Variants in PTPRG observed in about 807,000 individuals in gnomAD.
PTPRG encodes receptor-type tyrosine-protein phosphatase gamma.
PTPRG carries 102 observed loss-of-function variants against 165.3 expected under a neutral mutation model. That is an observed-to-expected ratio of 0.62 (90% CI 0.53 to 0.73). The LOEUF is 0.73. PTPRG is among the 30% of genes least tolerant of loss of function. The pLI, the probability that PTPRG is intolerant of heterozygous loss-of-function variation, is 0.00. For synonymous variants in PTPRG, 675 were observed against 669.5 expected, an observed-to-expected ratio of 1.01 and a Z score of -0.13; for missense variants, 1,866 against 1,861.4, an observed-to-expected ratio of 1.00 and a Z score of -0.05.
At chr3:61,775,011 C>T (rs963716334) in intron 2 of PTPRG, among the ~76,000 whole-genome samples, 1 of 152,174 alleles carries the variant, frequency 6.6e-6, no homozygotes, top group East Asian at 1.9e-4. Flanking sequence ...TCCTTCCCAA[C>T]CCCAGTTAAT....
At chr3:61,605,712 G>T (rs919681203) in intron 1 of PTPRG, among the ~76,000 whole-genome samples, 1 of 152,052 alleles carries the variant, frequency 6.6e-6, no homozygotes, top group Non-Finnish European at 1.5e-5. Context: ...GGGACTACGG[G>T]CACACACCAC....
At chr3:61,609,038 C>T (rs78583394) in intron 1 of PTPRG, among the ~76,000 whole-genome samples, 4 of 152,150 alleles carry the variant, frequency 2.6e-5, no homozygotes, top group Admixed American at 2.0e-4. Context: ...GAACATGATA[C>T]GGAAGCCTTT....
intron 2 of PTPRG, among the ~76,000 whole-genome samples, chr3:61,786,051 C>T (rs1427233063): frequency 1.3e-5 from 2 of 152,178 alleles, no homozygotes; most frequent in Middle Eastern, 3.2e-3. Flanking sequence ...TAAAAGCCAC[C>T]TTAAATGAAC....
rs1208997039 is a variant in PTPRG, at chr3:62,240,249, C to G, written c.2376-3558C>G. On this transcript the variant is annotated intron_variant, in intron 14 of 29. Coordinates refer to ENST00000474889, the MANE Select transcript of PTPRG (RefSeq NM_002841.4). This position sits in a 1 kb window ranked among gnomAD's most constrained non-coding sequence, Gnocchi z 5.1. Reference sequence around the variant, plus strand: ...GCTGAGGCACGAGAGGCGTGAGAATCGCCCGAACCTGGGAGGCGGAGGTTG... The same window carrying G: ...GCTGAGGCACGAGAGGCGTGAGAATGGCCCGAACCTGGGAGGCGGAGGTTG... Among the ~76,000 whole-genome samples the G allele has an allele frequency of 6.6e-6, 1 of 152,148 alleles. No homozygotes were observed. Among genetic ancestry groups the G allele is most frequent in the Non-Finnish European group, 1.5e-5 (1 of 68,042 alleles).
chr3:61,995,670 G>C (rs1359824463), intron 3 of PTPRG, among the ~76,000 whole-genome samples: 4 of 116,226 alleles, frequency 3.4e-5, no homozygotes, highest in East Asian at 4.5e-4. Flanking sequence ...CTTTCCGCCT[G>C]CCTGCCCGCC....
rs1407377338 is a variant in PTPRG, at chr3:62,267,755, G to A, written c.2810G>A (p.Arg937Lys). The change falls in exon 19 of 30, where the codon AGG becomes AAG. Residue 937 changes from arginine (R) to lysine (K), a missense_variant. Around this residue, in one of 3 missense-constraint regions of PTPRG, gnomAD observed 1,452 missense variants for 1,463.0 expected, o/e 0.99. Coordinates refer to ENST00000474889, the MANE Select transcript of PTPRG (RefSeq NM_002841.4). ...PLKSTFEDFW[R>K]MIWEQNTGII... ...AAGTCTACATTTGAAGATTTCTGGA[G>A]GATGATTTGGGAACAAAACACTGGA... is the stretch of plus-strand genomic sequence containing the variant. 2 of 1,613,498 alleles carry A rather than the reference G, an allele frequency of 1.2e-6. No individual in the cohort carries two copies. The highest frequency in any genetic ancestry group is 1.7e-5 in the Admixed American group (1 of 60,006).
chr3:62,206,457 T>C (rs1242088027), intron 12 of PTPRG, among the ~76,000 whole-genome samples: 2 of 152,164 alleles, frequency 1.3e-5, no homozygotes, highest in Non-Finnish European at 2.9e-5. Context: ...CTAATGATCA[T>C]GCTTAATGCC....
chr3:61,976,744 G>A (rs113634569), intron 2 of PTPRG, among the ~76,000 whole-genome samples: 12 of 151,814 alleles, frequency 7.9e-5, no homozygotes, highest in African/African-American at 2.4e-4. Context: ...GCACGATCTC[G>A]GCTCACAGCA....
intron 2 of PTPRG, among the ~76,000 whole-genome samples, chr3:61,818,629 A>G (rs1417190723): frequency 6.6e-6 from 1 of 152,038 alleles, no homozygotes; most frequent in Non-Finnish European, 1.5e-5. Context: ...GTGGCACTGT[A>G]CTCCAGCCTA....
intron 1 of PTPRG, among the ~76,000 whole-genome samples, chr3:61,621,867 T>C (rs1421691304): frequency 6.6e-6 from 1 of 152,174 alleles, no homozygotes; most frequent in Admixed American, 6.5e-5. Flanking sequence ...CTAATGTATG[T>C]GGTTCTCTGT....
intron 1 of PTPRG, among the ~76,000 whole-genome samples, chr3:61,598,220 A>G (rs1156326536): frequency 6.6e-6 from 1 of 152,176 alleles, no homozygotes; most frequent in Non-Finnish European, 1.5e-5. Flanking sequence ...GGAATCGATA[A>G]AGCCATTAAG....
chr3:62,138,505 G>T (rs550524247), intron 6 of PTPRG, among the ~76,000 whole-genome samples: 2 of 152,194 alleles, frequency 1.3e-5, no homozygotes, highest in Non-Finnish European at 2.9e-5. Flanking sequence ...GATCACCTTA[G>T]GTCAGGAGTT....
chr3:61,792,530 C>T (rs1363309947), intron 2 of PTPRG, among the ~76,000 whole-genome samples: 1 of 152,148 alleles, frequency 6.6e-6, no homozygotes, highest in Admixed American at 6.5e-5. Flanking sequence ...AGTGGGCCCA[C>T]GTTGGGCTAT....
At chr3:61,836,447 C>G (rs2036464205) in intron 2 of PTPRG, among the ~76,000 whole-genome samples, 2 of 152,200 alleles carry the variant, frequency 1.3e-5, no homozygotes. Flanking sequence ...AAACAAGACA[C>G]TAGCCTTTCC....
intron 17 of PTPRG, among the ~76,000 whole-genome samples, chr3:62,266,799 A>C (rs1452323295): frequency 6.7e-6 from 1 of 148,822 alleles, no homozygotes; most frequent in Non-Finnish European, 1.5e-5. Flanking sequence ...TCCTAAAAAA[A>C]ACAGGCACAA....
At chr3:62,037,535 A>C (rs987269569) in intron 4 of PTPRG, among the ~76,000 whole-genome samples, 2 of 152,164 alleles carry the variant, frequency 1.3e-5, no homozygotes, top group Admixed American at 6.5e-5. Context: ...AATCGTCTCC[A>C]TTTGAGAACT....
intron 2 of PTPRG, among the ~76,000 whole-genome samples, chr3:61,977,943 T>C (rs551298434): frequency 1.3e-5 from 2 of 152,306 alleles, no homozygotes; most frequent in East Asian, 3.9e-4. Context: ...GTTTACTTTT[T>C]CCCCCAATGA....
chr3:61,777,679 C>G (rs1260299247), intron 2 of PTPRG, among the ~76,000 whole-genome samples: 1 of 152,126 alleles, frequency 6.6e-6, no homozygotes, highest in East Asian at 1.9e-4. Flanking sequence ...TCCGGGAAGA[C>G]TTTTAAAGAG....
At chr3:61,995,882 C>T (rs1204963134) in intron 3 of PTPRG, among the ~76,000 whole-genome samples, 2 of 151,914 alleles carry the variant, frequency 1.3e-5, no homozygotes, top group Admixed American at 6.6e-5. Context: ...CTGTTGGACT[C>T]GATATGTCTT....
Sources: gnomAD v4.1 joint callset for allele counts (sites outside exome capture counted in the v4.1 genomes callset) on GRCh38, gnomAD v4.1.1 for gene constraint, gnomAD v4.1.1 regional missense constraint, Gnocchi (gnomAD v3.1) non-coding constraint, MANE v1.5 for transcripts, NCBI Gene and HGNC (gene_info 2026-07-23, HGNC 2026-07-21) for gene names.